The following SLC41A2 variants were observed in gnomAD, a reference collection of about 807,000 sequenced individuals.
SLC41A2 encodes the protein solute carrier family 41 member 2.
A neutral mutation model predicts 58.3 loss-of-function variants in SLC41A2; 32 were observed. That is an observed-to-expected ratio of 0.55 (90% CI 0.41 to 0.74). SLC41A2 has a LOEUF of 0.74. Among genes scored for constraint, SLC41A2 ranks in the 30% least tolerant of loss-of-function variants. SLC41A2 has a pLI of 0.00. For synonymous variants in SLC41A2, 190 were observed against 235.0 expected (o/e 0.81, Z 1.75); for missense variants, 514 against 680.6 (o/e 0.76, Z 2.72).
intron 10 of SLC41A2, among the ~76,000 whole-genome samples, chr12:104,815,655 T>C (rs1818897897): frequency 6.6e-6 from 1 of 152,018 alleles, no homozygotes; most frequent in Non-Finnish European, 1.5e-5. Context: ...ACCCGAGAAG[T>C]AGCAAATTAA....
intron 1 of SLC41A2, among the ~76,000 whole-genome samples, chr12:104,947,604 TA>T: frequency 6.6e-6 from 1 of 152,064 alleles, no homozygotes; most frequent in African/African-American, 2.4e-5. Context: ...TATTTTTCAT[TA>T]AATTAAATTG....
chr12:104,946,710 A>G (rs35095246), intron 1 of SLC41A2, among the ~76,000 whole-genome samples: 2,336 of 152,380 alleles, frequency 0.015, 20 homozygotes, highest in Non-Finnish European at 0.025. Context: ...CTTTCATTCA[A>G]TGAAAGATGA....
intron 10 of SLC41A2, among the ~76,000 whole-genome samples, chr12:104,833,186 A>G (rs1410484851): frequency 1.3e-5 from 2 of 152,228 alleles, no homozygotes; most frequent in Admixed American, 1.3e-4. Context: ...AGTAACGAGT[A>G]GCCACCACAA....
chr12:104,937,939 AACTGCCAAAAGC>A (rs2047348323), intron 1 of SLC41A2, among the ~76,000 whole-genome samples: 1 of 152,222 alleles, frequency 6.6e-6, no homozygotes, highest in Non-Finnish European at 1.5e-5. Flanking sequence ...TGCAAGTATA[AACTGCCAAAAGC>A]ACTTTGGAAA....
rs754959146 is a variant in SLC41A2 at position 104,889,134 on chromosome 12, A to G, written c.779T>C (p.Ile260Thr). 6.2e-7 allele frequency: 1 copy of G among 1,610,856 alleles called. No homozygotes were observed. The highest frequency in any genetic ancestry group is 1.1e-5 in the South Asian group (1 of 90,046). ...TCCTTCTGGAATCCAGCCCAATATA[A>G]TTGCTGCCACAGCTGCTAGAAAACC... Reference protein sequence around the residue: ...VVGFLAAVAAIILGWIPEGKY... With the variant: ...VVGFLAAVAATILGWIPEGKY... The change falls in exon 5 of 11, where the codon ATT becomes ACT. Residue 260 changes from isoleucine to threonine, a missense_variant. By Grantham distance (89) the Ile-to-Thr change is moderately conservative. This residue lies in a region of SLC41A2 where 336 missense variants were observed against 430.0 expected (regional missense o/e 0.78). Transcript: ENST00000258538.
chr12:104,926,910 A>C (rs1452620198), intron 2 of SLC41A2, among the ~76,000 whole-genome samples: 1 of 151,864 alleles, frequency 6.6e-6, no homozygotes, highest in Non-Finnish European at 1.5e-5. Flanking sequence ...ACACAGCAAG[A>C]CCTTGTCTCT....
At chr12:104,869,424 G>C (rs1370549933) in intron 6 of SLC41A2, among the ~76,000 whole-genome samples, 1 of 152,086 alleles carries the variant, frequency 6.6e-6, no homozygotes, top group Non-Finnish European at 1.5e-5. Context: ...AAAAGATAAA[G>C]CAAATGGGGT....
chr12:104,875,127 A>G (rs2043984007), intron 6 of SLC41A2, among the ~76,000 whole-genome samples: 1 of 152,184 alleles, frequency 6.6e-6, no homozygotes, highest in African/African-American at 2.4e-5. Context: ...GTGTATGTTA[A>G]ACCATACTTG....
intron 10 of SLC41A2, among the ~76,000 whole-genome samples, chr12:104,813,513 T>C (rs1160303031): frequency 6.6e-6 from 1 of 152,128 alleles, no homozygotes; most frequent in African/African-American, 2.4e-5. Context: ...AATATAGGGA[T>C]AAATAACAAA....
At chr12:104,813,692 G>A (rs747957767) in intron 10 of SLC41A2, among the ~76,000 whole-genome samples, 19 of 152,196 alleles carry the variant, frequency 1.2e-4, no homozygotes, top group East Asian at 1.9e-4. Flanking sequence ...CTAGAGTACC[G>A]TGGCATAATC....
At chr12:104,911,454 A>G (rs2135787577) in intron 2 of SLC41A2, among the ~76,000 whole-genome samples, 1 of 152,344 alleles carries the variant, frequency 6.6e-6, no homozygotes, top group East Asian at 1.9e-4. Flanking sequence ...AAAGATACAA[A>G]TATCTTAATA....
chr12:104,890,428 A>G (rs1416753532), intron 4 of SLC41A2, among the ~76,000 whole-genome samples: 1 of 152,216 alleles, frequency 6.6e-6, no homozygotes, highest in Non-Finnish European at 1.5e-5. Flanking sequence ...AAATTAATTT[A>G]TAATATAAAT....
chr12:104,841,313 A>G (rs1450944136), intron 10 of SLC41A2, among the ~76,000 whole-genome samples: 1 of 125,658 alleles, frequency 8.0e-6, no homozygotes, highest in East Asian at 2.1e-4. Flanking sequence ...AGGAGAATAA[A>G]AAATCTAGGT....
chr12:104,846,704 C>G (rs2042611508), intron 8 of SLC41A2, among the ~76,000 whole-genome samples: 1 of 152,200 alleles, frequency 6.6e-6, no homozygotes, highest in African/African-American at 2.4e-5. Context: ...ATAGTTAAGC[C>G]TTCCAGGCTG....
chr12:104,866,632 A>G (rs1440871482), intron 6 of SLC41A2, 53 bp from the exon 7 acceptor site: 3 of 1,410,260 alleles, frequency 2.1e-6, no homozygotes, highest in Non-Finnish European at 2.9e-6. Flanking sequence ...TCTCTCTTCT[A>G]TGTAGCAGAT....
intron 1 of SLC41A2, among the ~76,000 whole-genome samples, chr12:104,939,625 A>G (rs2047420465): frequency 6.6e-6 from 1 of 152,252 alleles, no homozygotes; most frequent in Non-Finnish European, 1.5e-5. Flanking sequence ...GTTCCATTGC[A>G]AAAGTTAAAT....
Position 104,928,112 on chromosome 12 carries a change from C to G in SLC41A2, c.416G>C (p.Gly139Ala). The part of the protein sequence containing the change: ...MLQDEDISSD[G>A]DEDAIVEVTP... The stretch of plus-strand genomic sequence containing the variant: ...CACTTCTACAATAGCATCTTCATCA[C>G]CATCACTAGATATATCTTCATCTTG... The change falls in exon 2 of 11, where the codon GGT becomes GCT. Residue 139 changes from glycine (G) to alanine (A), a missense_variant. Physicochemically the swap from Gly to Ala is moderately conservative, Grantham distance 60. This residue lies in a region of SLC41A2 where 336 missense variants were observed against 430.0 expected (regional missense o/e 0.78). Coordinates refer to ENST00000258538, the MANE Select transcript of SLC41A2 (RefSeq NM_001352171.3). 1 of 1,614,200 alleles carries G rather than the reference C, an allele frequency of 6.2e-7. No individual in the cohort carries two copies. The highest frequency in any genetic ancestry group is 1.1e-5 in the South Asian group (1 of 91,078).
intron 1 of SLC41A2, among the ~76,000 whole-genome samples, chr12:104,946,525 T>C (rs1186436790): frequency 6.6e-6 from 1 of 152,188 alleles, no homozygotes; most frequent in Non-Finnish European, 1.5e-5. Flanking sequence ...CTTCCCACCT[T>C]GGGCTCCCAA....
At chr12:104,891,292 A>T (rs774285701) in intron 4 of SLC41A2, among the ~76,000 whole-genome samples, 28 of 151,192 alleles carry the variant, frequency 1.9e-4, no homozygotes, top group Non-Finnish European at 3.8e-4. Context: ...GCCATGTCTG[A>T]CTCCTATCTT....
Sources: gnomAD v4.1 joint callset for allele counts (sites outside exome capture counted in the v4.1 genomes callset) on GRCh38, gnomAD v4.1.1 for gene constraint, gnomAD v4.1.1 regional missense constraint, MANE v1.5 for transcripts, NCBI Gene and HGNC (gene_info 2026-07-23, HGNC 2026-07-21) for gene names.